The following TACC2 variants were observed in gnomAD, a reference collection of about 807,000 sequenced individuals.
The protein encoded by TACC2 is transforming acidic coiled-coil containing protein 2, also known as transforming acidic coiled-coil-containing protein 2.
A neutral mutation model predicts 227.3 loss-of-function variants in TACC2; 137 were observed. That is an observed-to-expected ratio of 0.60 (90% CI 0.52 to 0.69). TACC2 has a LOEUF of 0.69. Among genes scored for constraint, TACC2 ranks in the 30% least tolerant of loss-of-function variants. The pLI is 0.00. For synonymous variants in TACC2, 1,523 were observed against 1,487.5 expected, an observed-to-expected ratio of 1.02 and a Z score of -0.55; for missense variants, 3,470 against 3,694.4, an observed-to-expected ratio of 0.94 and a Z score of 1.57.
intron 7 of TACC2, among the ~76,000 whole-genome samples, chr10:122,177,148 T>C (rs1238223625): frequency 6.6e-6 from 1 of 152,216 alleles, no homozygotes; most frequent in East Asian, 1.9e-4. Context: ...TTTCTCAGAA[T>C]AACCAGCCCC....
rs747095409 is a variant in TACC2, at chr10:122,086,794, G to T, written c.4294G>T (p.Gly1432Ter). ...CCTGGCCACACCTGGAGAAAAGGCA[G>T]GAGCTGGGAGGAGTGCAGTGGGTAA... The part of the protein sequence containing the change: ...GALATPGEKA[G>*]AGRSAVGKDL... The change falls in exon 4 of 23, where the codon GGA becomes TGA. Residue 1432 changes from glycine to a stop codon, truncating the protein, a stop_gained. Coordinates refer to ENST00000369005, the MANE Select transcript of TACC2 (RefSeq NM_206862.4). LOFTEE classifies it high-confidence loss of function. 1.3e-5 allele frequency: 21 copies of T among 1,613,906 alleles called. No homozygotes were observed. Among genetic ancestry groups the T allele is most frequent in the Non-Finnish European group, 1.6e-5 (19 of 1,180,010 alleles).
chr10:122,019,580 C>T (rs1395401463), intron 1 of TACC2, among the ~76,000 whole-genome samples: 3 of 152,200 alleles, frequency 2.0e-5, no homozygotes, highest in Non-Finnish European at 4.4e-5. Flanking sequence ...CTGAAAGGAG[C>T]CCTGCTGATG....
chr10:122,238,962 C>T (rs541762428), intron 18 of TACC2, among the ~76,000 whole-genome samples: 1 of 152,084 alleles, frequency 6.6e-6, no homozygotes, highest in African/African-American at 2.4e-5. Context: ...ATATAGTCAC[C>T]ATGTATAGTG....
intron 7 of TACC2, among the ~76,000 whole-genome samples, chr10:122,144,782 C>T (rs779645190): frequency 8.5e-5 from 13 of 152,158 alleles, no homozygotes; most frequent in Non-Finnish European, 5.9e-5. Context: ...TCTTCTCTGT[C>T]CTGTATCTCC....
Position 122,087,768 on chromosome 10 carries a change from G to A in TACC2, c.5268G>A (p.Pro1756=), listed in dbSNP as rs548012482. Residue 1756 remains proline (P), a synonymous_variant, in exon 4 of 23, where the codon CCG becomes CCA. Coordinates refer to ENST00000369005, the MANE Select transcript of TACC2 (RefSeq NM_206862.4). ...ACCCAGCCTGCTCTGACAAGGCTCC[G>A]GGGATGGAGGGTACAGCTGCCCTTC... ...CQDPACSDKA[P]GMEGTAALHG... 1.4e-5 allele frequency: 22 copies of A among 1,607,012 alleles called. No individual in the cohort carries two copies. Among genetic ancestry groups the A allele is most frequent in the East Asian group, 6.7e-5 (3 of 44,792 alleles).
intron 7 of TACC2, among the ~76,000 whole-genome samples, chr10:122,164,973 C>T (rs1183654335): frequency 6.6e-6 from 1 of 152,034 alleles, no homozygotes; most frequent in Non-Finnish European, 1.5e-5. Context: ...ACTGGTCCCT[C>T]GACCCCTGGG....
At chr10:122,175,278 A>G (rs998985865) in intron 7 of TACC2, among the ~76,000 whole-genome samples, 3 of 152,354 alleles carry the variant, frequency 2.0e-5, no homozygotes, top group Admixed American at 6.5e-5. Flanking sequence ...TAAATACAGC[A>G]TAATTCTTGG....
intron 8 of TACC2, 122 bp downstream of exon 8, chr10:122,195,298 G>C (rs936774106): frequency 2.4e-6 from 2 of 827,050 alleles, no homozygotes; most frequent in Admixed American, 5.5e-5. Context: ...TTGGCTTTGA[G>C]TTGTGCTTGA....
intron 14 of TACC2, among the ~76,000 whole-genome samples, chr10:122,229,114 T>C (rs2095684723): frequency 6.6e-6 from 1 of 151,888 alleles, no homozygotes; most frequent in African/African-American, 2.4e-5. Context: ...GGGAGGACAC[T>C]GAAGGCTATG....
intron 8 of TACC2, among the ~76,000 whole-genome samples, chr10:122,199,216 T>C (rs952182506): frequency 2.0e-5 from 3 of 152,220 alleles, no homozygotes; most frequent in Non-Finnish European, 2.9e-5. Flanking sequence ...GCCCGAGCCA[T>C]TGAGCCAAGG....
At chr10:122,106,512 A>G (rs1326799930) in intron 5 of TACC2, among the ~76,000 whole-genome samples, 1 of 152,218 alleles carries the variant, frequency 6.6e-6, no homozygotes, top group Non-Finnish European at 1.5e-5. Flanking sequence ...TATTGTTGCT[A>G]CAACATAATT....
At position 121,992,553 on chromosome 10, in the gene TACC2, G is replaced by A. The variant is rs527990545; in HGVS notation, c.-46+3065G>A. On this transcript the variant is annotated intron_variant, in intron 1 of 22. Coordinates refer to ENST00000369005, the MANE Select transcript of TACC2 (RefSeq NM_206862.4). ...CTTTTATGTACATCATCATGATTAA[G>A]TCATGCTGGGCCTATGAAGAAGGTG... Among the ~76,000 whole-genome samples, 8 of 152,320 alleles carry A rather than the reference G, an allele frequency of 5.3e-5. No individual in the cohort carries two copies. In the East Asian group the frequency reaches 1.5e-3, roughly 29 times the overall value.
At chr10:122,066,209 G>A (rs1485302371) in intron 3 of TACC2, among the ~76,000 whole-genome samples, 1 of 151,254 alleles carries the variant, frequency 6.6e-6, no homozygotes, top group Non-Finnish European at 1.5e-5. Flanking sequence ...CCAGGTTCAA[G>A]TGATTCTCCT....
intron 7 of TACC2, among the ~76,000 whole-genome samples, chr10:122,173,694 G>T (rs1322605827): frequency 6.6e-6 from 1 of 152,258 alleles, no homozygotes. Context: ...ACATGTCTGT[G>T]GAAGGTGGTC....
chr10:122,056,336 G>C (rs527547523), intron 3 of TACC2, among the ~76,000 whole-genome samples: 3 of 152,064 alleles, frequency 2.0e-5, no homozygotes, highest in African/African-American at 7.2e-5. Flanking sequence ...CACCATGCCC[G>C]GCTAATTTTT....
rs1302344524 is a variant in TACC2, at chr10:122,229,485, A to T, written c.8036A>T (p.Gln2679Leu). The change falls in exon 15 of 23, where the codon CAG becomes CTG. Residue 2679 changes from glutamine (Q) to leucine (L), a missense_variant and splice_region_variant. Gln to Leu is a moderately radical substitution (Grantham distance 113). Transcript: ENST00000369005. The stretch of plus-strand genomic sequence containing the variant: ...CCCCCACTATTCGCTCAGAAACTCC[A>T]GGTTTGTAGCCCACGTGTGACCTTT... ...KNPPLFAQKL[Q>L]EELEFAIMRI... 1.2e-6 allele frequency: 2 copies of T among 1,613,810 alleles called. No individual in the cohort carries two copies.
At chr10:122,152,949 C>T (rs920888269) in intron 7 of TACC2, among the ~76,000 whole-genome samples, 5 of 151,590 alleles carry the variant, frequency 3.3e-5, no homozygotes, top group Non-Finnish European at 4.4e-5. Context: ...TGAGTACTTT[C>T]TATGTACCAG....
chr10:122,004,185 G>A (rs1251986183), intron 1 of TACC2, among the ~76,000 whole-genome samples: 1 of 151,878 alleles, frequency 6.6e-6, no homozygotes, highest in East Asian at 2.0e-4. Context: ...ATCACCTAAG[G>A]TCAGGAGTTC....
chr10:122,216,488 T>G, intron 10 of TACC2, 139 bp from the exon 11 acceptor site: 1 of 735,256 alleles, frequency 1.4e-6, no homozygotes, highest in Non-Finnish European at 2.2e-6. Flanking sequence ...ATGGACCATT[T>G]GGAGCAGAGT....
Sources: allele counts gnomAD v4.1 joint callset (sites outside exome capture counted in the v4.1 genomes callset), GRCh38; gene constraint gnomAD v4.1.1; transcripts MANE v1.5; gene names NCBI Gene and HGNC (gene_info 2026-07-23, HGNC 2026-07-21).